Variants in NDUFAF2 observed in about 807,000 individuals in gnomAD.
NDUFAF2 encodes NADH:ubiquinone oxidoreductase complex assembly factor 2.
NDUFAF2 carries 13 observed loss-of-function variants against 22.8 expected under a neutral mutation model. That is an observed-to-expected ratio of 0.57 (90% CI 0.37 to 0.91). The LOEUF is 0.91. Among genes scored for constraint, NDUFAF2 ranks in the 40% least tolerant of loss-of-function variants. The pLI, the probability that NDUFAF2 is intolerant of heterozygous loss-of-function variation, is 0.01. For missense variants in NDUFAF2, 162 were observed against 195.2 expected (o/e 0.83, Z 1.01); for synonymous variants, 53 against 64.2 (o/e 0.83, Z 0.84).
intron 1 of NDUFAF2, among the ~76,000 whole-genome samples, chr5:60,982,366 G>A (rs1029751067): frequency 3.9e-5 from 6 of 151,982 alleles, no homozygotes; most frequent in African/African-American, 1.4e-4. Context: ...GAGAGAGCTT[G>A]TGCAGGGAAA....
At chr5:61,008,985 G>A (rs370140497) in intron 1 of NDUFAF2, among the ~76,000 whole-genome samples, 21 of 151,814 alleles carry the variant, frequency 1.4e-4, no homozygotes, top group African/African-American at 4.6e-4. Context: ...AATTCCTGCC[G>A]TTTTTGTCTT....
intron 3 of NDUFAF2, among the ~76,000 whole-genome samples, chr5:61,147,437 C>CTTTTTTTTTTTTT (rs1240336890): frequency 0.25 from 20,777 of 82,588 alleles, 4,122 homozygotes; most frequent in East Asian, 0.57. Context: ...TTTTTTCTTT[C>CTTTTTTTTTTTTT]TTTTTTTTTT....
intron 1 of NDUFAF2, among the ~76,000 whole-genome samples, chr5:60,956,245 T>A (rs1019374431): frequency 6.6e-6 from 1 of 152,162 alleles, no homozygotes; most frequent in African/African-American, 2.4e-5. Context: ...ATTCATTCAT[T>A]AGTCTGAACA....
rs940321548 is a variant in NDUFAF2 at position 60,984,305 on chromosome 5, G to A, written c.127+38923G>A. ...GCTTAAGGAGATTTTGAGCTGAGACGATGGGGTTTTCTAGATATACAATCA... is the reference window on the plus strand; with the variant it reads ...GCTTAAGGAGATTTTGAGCTGAGACAATGGGGTTTTCTAGATATACAATCA... On this transcript the variant is annotated intron_variant, in intron 1 of 3. Coordinates refer to ENST00000296597, the MANE Select transcript of NDUFAF2 (RefSeq NM_174889.5). Among the ~76,000 whole-genome samples the A allele has an allele frequency of 1.8e-3, 264 of 150,540 alleles. 3 individuals carry two copies. The highest frequency in any genetic ancestry group is 6.0e-3 in the African/African-American group (248 of 41,356).
chr5:60,989,722 A>G (rs1346611498), intron 1 of NDUFAF2, among the ~76,000 whole-genome samples: 2 of 152,152 alleles, frequency 1.3e-5, no homozygotes, highest in Non-Finnish European at 2.9e-5. Context: ...CAACAAAGGG[A>G]ACAACAGACA....
intron 1 of NDUFAF2, among the ~76,000 whole-genome samples, chr5:60,979,471 A>T (rs934415916): frequency 6.6e-6 from 1 of 152,108 alleles, no homozygotes; most frequent in Non-Finnish European, 1.5e-5. Flanking sequence ...AGTATTCAGC[A>T]TAAGCTGGCC....
At chr5:61,127,899 T>G (rs978994516) in intron 3 of NDUFAF2, among the ~76,000 whole-genome samples, 1 of 152,136 alleles carries the variant, frequency 6.6e-6, no homozygotes, top group African/African-American at 2.4e-5. Context: ...AAAACCCCAT[T>G]GTCTCAGCCC....
intron 1 of NDUFAF2, among the ~76,000 whole-genome samples, chr5:60,967,667 C>T (rs1750775363): frequency 6.6e-6 from 1 of 151,754 alleles, no homozygotes; most frequent in Non-Finnish European, 1.5e-5. Context: ...ATTGGCAAAC[C>T]ATTCTTGCTT....
At chr5:61,027,234 A>G (rs1050413494) in intron 1 of NDUFAF2, among the ~76,000 whole-genome samples, 13 of 151,342 alleles carry the variant, frequency 8.6e-5, no homozygotes, top group Non-Finnish European at 1.5e-4. Context: ...TAATTTATAA[A>G]CTATTGTAAT....
chr5:60,978,291 T>C (rs543503746), intron 1 of NDUFAF2, among the ~76,000 whole-genome samples: 1 of 152,216 alleles, frequency 6.6e-6, no homozygotes, highest in East Asian at 1.9e-4. Flanking sequence ...GGGTCCTTGA[T>C]AAACTTGACA....
intron 1 of NDUFAF2, among the ~76,000 whole-genome samples, chr5:61,014,557 A>G (rs1049339391): frequency 1.3e-5 from 2 of 152,150 alleles, no homozygotes; most frequent in Non-Finnish European, 1.5e-5. Context: ...GTTGGTAGGA[A>G]GTACAGATGG....
At chr5:61,085,901 G>A (rs1046415430) in intron 2 of NDUFAF2, among the ~76,000 whole-genome samples, 12 of 152,044 alleles carry the variant, frequency 7.9e-5, no homozygotes, top group African/African-American at 2.7e-4. Flanking sequence ...GATCACTTGA[G>A]GCCAGGACTT....
intron 1 of NDUFAF2, among the ~76,000 whole-genome samples, chr5:61,054,171 T>C (rs114057354): frequency 6.6e-6 from 1 of 152,188 alleles, no homozygotes; most frequent in African/African-American, 2.4e-5. Flanking sequence ...ACTGTACTCA[T>C]TCCTGGGTGA....
At chr5:61,139,682 C>T (rs1741021821) in intron 3 of NDUFAF2, among the ~76,000 whole-genome samples, 1 of 152,236 alleles carries the variant, frequency 6.6e-6, no homozygotes, top group Non-Finnish European at 1.5e-5. Flanking sequence ...CCTGGTGAAA[C>T]CCCACCTTCA....
intron 1 of NDUFAF2, among the ~76,000 whole-genome samples, chr5:60,977,836 CAAA>C (rs373286895): frequency 5.1e-5 from 6 of 116,508 alleles, no homozygotes; most frequent in Admixed American, 2.7e-4. Flanking sequence ...GACTCTGTCT[CAAA>C]AAAAAAAAAA....
chr5:61,043,016 T>C (rs1751902582), intron 1 of NDUFAF2, among the ~76,000 whole-genome samples: 1 of 152,042 alleles, frequency 6.6e-6, no homozygotes, highest in Non-Finnish European at 1.5e-5. Flanking sequence ...GGTGAGGAGT[T>C]CAAGACAAGC....
At chr5:61,056,954 T>G (rs1218525984) in intron 1 of NDUFAF2, among the ~76,000 whole-genome samples, 2 of 98,680 alleles carry the variant, frequency 2.0e-5, no homozygotes, top group African/African-American at 8.3e-5. Flanking sequence ...ATATATATAT[T>G]TATATGGTGC....
chr5:61,147,397 T>C (rs1012215060), intron 3 of NDUFAF2, among the ~76,000 whole-genome samples: 22 of 149,078 alleles, frequency 1.5e-4, no homozygotes, highest in African/African-American at 5.2e-4. Context: ...CACAGCTGCA[T>C]GCCACCAGGC....
chr5:61,111,860 C>T (rs1055658255), intron 3 of NDUFAF2, among the ~76,000 whole-genome samples: 12 of 152,032 alleles, frequency 7.9e-5, no homozygotes, highest in Admixed American at 3.9e-4. Context: ...CCTCATGATC[C>T]GCCCGCCTCG....
Sources: gnomAD v4.1 joint callset for allele counts (sites outside exome capture counted in the v4.1 genomes callset) on GRCh38, gnomAD v4.1.1 for gene constraint, MANE v1.5 for transcripts, NCBI Gene and HGNC (gene_info 2026-07-23, HGNC 2026-07-21) for gene names.